EDRF1: variants seen among roughly 807,000 people sequenced by gnomAD.
The protein encoded by EDRF1 is erythroid differentiation-related factor 1.
A neutral mutation model predicts 148.7 loss-of-function variants in EDRF1; 69 were observed. The observed-to-expected ratio is 0.46, with a 90% CI of 0.38 to 0.57. The LOEUF (loss-of-function observed/expected upper bound fraction) is 0.57. EDRF1 is among the 20% of genes least tolerant of loss of function. The probability of loss-of-function intolerance (pLI) is 0.00; values close to 1 mark genes in which losing one functional copy is unlikely to be tolerated. For synonymous variants in EDRF1, 515 were observed against 532.8 expected (o/e 0.97, Z 0.46); for missense variants, 1,118 against 1,478.7 (o/e 0.76, Z 4.00).
rs1489453172 is a variant in EDRF1 at position 125,747,534 on chromosome 10, A to G, written c.2815-2A>G. 1 of 1,614,144 alleles carries G rather than the reference A, an allele frequency of 6.2e-7. No individual in the cohort carries two copies. Among genetic ancestry groups the G allele is most frequent in the South Asian group, 1.1e-5 (1 of 91,080 alleles). On this transcript the variant is annotated splice_acceptor_variant, in intron 19 of 24. Transcript: ENST00000356792. LOFTEE classifies it high-confidence loss of function. ...AAATGTACACTGTTTTCTCCTTTGC[A>G]GGCTATTGATTACTATTTGAAAGCG...
At chr10:125,751,829 G>A (rs1227716571) in intron 22 of EDRF1, 2 of 152,248 alleles carry the variant, frequency 1.3e-5, no homozygotes, top group African/African-American at 4.8e-5. Context: ...GCCAAGGGAA[G>A]AGGCTCGGGA....
chr10:125,730,871 G>C (rs1224454776), intron 9 of EDRF1, among the ~76,000 whole-genome samples: 7 of 152,204 alleles, frequency 4.6e-5, no homozygotes, highest in African/African-American at 1.4e-4. Context: ...AGCTAGGCGT[G>C]TTGGCTTATT....
intron 3 of EDRF1, among the ~76,000 whole-genome samples, 180 bp downstream of exon 3, chr10:125,723,314 T>A (rs1848093570): frequency 6.6e-6 from 1 of 152,180 alleles, no homozygotes; most frequent in Non-Finnish European, 1.5e-5. Flanking sequence ...GTTTACCACA[T>A]TTGTATTTAA....
At chr10:125,734,804 G>C (rs533543424) in intron 12 of EDRF1, among the ~76,000 whole-genome samples, 1 of 152,188 alleles carries the variant, frequency 6.6e-6, no homozygotes, top group South Asian at 2.1e-4. Flanking sequence ...TTGTCTGATT[G>C]ACAACTTTAT....
chr10:125,740,570 T>C lies in EDRF1; in HGVS notation c.2089T>C (p.Tyr697His). 3 of 1,614,130 alleles carry C rather than the reference T, an allele frequency of 1.9e-6. No homozygotes were observed. Among genetic ancestry groups the C allele is most frequent in the Non-Finnish European group, 2.5e-6 (3 of 1,180,014 alleles). ...QLILKSSKAY[Y>H]VLSDAAMSLQ... The stretch of plus-strand genomic sequence containing the variant: ...GATTCTCAAGTCATCAAAGGCCTAT[T>C]ATGTTTTGTCCGATGCTGCCATGAG... The change falls in exon 16 of 25, where the codon TAT becomes CAT. Residue 697 changes from tyrosine (Y) to histidine (H), a missense_variant. By Grantham distance (83) the Tyr-to-His change is moderately conservative (BLOSUM62 2). Coordinates refer to ENST00000356792, the MANE Select transcript of EDRF1 (RefSeq NM_001202438.2).
chr10:125,752,718 G>T, intron 22 of EDRF1, 81 bp from the exon 23 acceptor site: 1 of 946,060 alleles, frequency 1.1e-6, no homozygotes, highest in East Asian at 2.5e-5. Context: ...TTGAAAGTCT[G>T]AATTTTCATT....
Position 125,729,011 on chromosome 10 carries a change from G to T in EDRF1, c.801G>T (p.Glu267Asp). The change falls in exon 7 of 25, where the codon GAG becomes GAT. Residue 267 changes from glutamate (E) to aspartate (D), a missense_variant. Physicochemically the swap from Glu to Asp is conservative, Grantham distance 45 (BLOSUM62 2). Around this residue, in one of 3 missense-constraint regions of EDRF1, gnomAD observed 954 missense variants for 1,241.4 expected, o/e 0.77. Transcript: ENST00000356792. ...EDPSASSQGS[E>D]PLEPSYIVGH... ...CCTTGCACTTTTCACAGGGAAGTGA[G>T]CCTCTTGAACCCTCATACATAGTGG... 6.3e-7 allele frequency: 1 copy of T among 1,578,386 alleles called. No homozygotes were observed. Among genetic ancestry groups the T allele is most frequent in the Non-Finnish European group, 8.5e-7 (1 of 1,169,792 alleles).
chr10:125,757,058 CT>C, intron 24 of EDRF1: 1 of 433,802 alleles, frequency 2.3e-6, no homozygotes, highest in Non-Finnish European at 4.6e-6. Flanking sequence ...AGCAGTCCAC[CT>C]TCCCCAGACT....
intron 24 of EDRF1, among the ~76,000 whole-genome samples, chr10:125,758,066 T>C (rs1441815393): frequency 6.6e-6 from 1 of 152,262 alleles, no homozygotes; most frequent in African/African-American, 2.4e-5. Flanking sequence ...GTTTGGGTAA[T>C]TTCTGTTGAA....
chr10:125,738,445 A>G lies in EDRF1; in HGVS notation c.1981A>G (p.Met661Val), dbSNP rs1413059215. 6.2e-7 allele frequency: 1 copy of G among 1,613,946 alleles called. No homozygotes were observed. The highest frequency in any genetic ancestry group is 8.5e-7 in the Non-Finnish European group (1 of 1,179,950). Residue 661 changes from methionine (M) to valine (V), a missense_variant and splice_region_variant, in exon 15 of 25, where the codon ATG (methionine) becomes GTG (valine). Around this residue, in one of 3 missense-constraint regions of EDRF1, gnomAD observed 954 missense variants for 1,241.4 expected, o/e 0.77. Coordinates refer to ENST00000356792, the MANE Select transcript of EDRF1 (RefSeq NM_001202438.2). ...GCAGATGGCCTTGTTTTTGGACAAAAGTAAGTTGAATTGATGTGCAAATAA... is the reference window on the plus strand; with the variant it reads ...GCAGATGGCCTTGTTTTTGGACAAAGGTAAGTTGAATTGATGTGCAAATAA... ...EKQMALFLDKMGSLQKGNYSS... is the reference protein window; with the variant it reads ...EKQMALFLDKVGSLQKGNYSS...
intron 9 of EDRF1, among the ~76,000 whole-genome samples, chr10:125,731,102 G>A (rs1483799265): frequency 2.0e-5 from 3 of 152,096 alleles, no homozygotes; most frequent in Non-Finnish European, 2.9e-5. Context: ...AGCTATGATC[G>A]TGCCACTGCA....
chr10:125,752,801 C>A lies in EDRF1; in HGVS notation c.3280C>A (p.Gln1094Lys). The change falls in exon 23 of 25, where the codon CAG (glutamine) becomes AAG (lysine). Residue 1094 changes from glutamine (Q) to lysine (K), a missense_variant and splice_region_variant. Physicochemically the swap from Gln to Lys is moderately conservative, Grantham distance 53. Around this residue, in one of 3 missense-constraint regions of EDRF1, gnomAD observed 954 missense variants for 1,241.4 expected, o/e 0.77. Transcript: ENST00000356792. ...ACGTTTTGTATTTAAAACTTTAGGT[C>A]AGAATAGCAATGTTGGAAAGTTGAA... is the stretch of plus-strand genomic sequence containing the variant. ...VAFAEFQMTS[Q>K]NSNVGKLKTL... 6.2e-7 allele frequency: 1 copy of A among 1,604,442 alleles called. No individual in the cohort carries two copies. The highest frequency in any genetic ancestry group is 1.1e-5 in the South Asian group (1 of 90,874).
At chr10:125,757,709 T>C (rs1263904549) in intron 24 of EDRF1, among the ~76,000 whole-genome samples, 1 of 152,226 alleles carries the variant, frequency 6.6e-6, no homozygotes, top group Admixed American at 6.5e-5. Flanking sequence ...TATAGAATTC[T>C]GGGTTAACAG....
chr10:125,725,604 A>T, intron 5 of EDRF1, 78 bp from the exon 6 acceptor site: 1 of 1,590,386 alleles, frequency 6.3e-7, no homozygotes, highest in Non-Finnish European at 8.6e-7. Flanking sequence ...TACAGATTGT[A>T]GTTTTTATAA....
At chr10:125,731,622 G>C (rs1848482566) in intron 9 of EDRF1, among the ~76,000 whole-genome samples, 1 of 152,136 alleles carries the variant, frequency 6.6e-6, no homozygotes, top group South Asian at 2.1e-4. Context: ...TTGCATCTAG[G>C]AGGGGAAATT....
At chr10:125,753,550 G>T in intron 23 of EDRF1, 144 bp from the exon 24 acceptor site, 1 of 866,138 alleles carries the variant, frequency 1.2e-6, no homozygotes, top group Non-Finnish European at 1.9e-6. Flanking sequence ...CTATCAAAAT[G>T]ATCATAGGTG....
Position 125,725,887 on chromosome 10 carries a change from C to A in EDRF1, c.792+49C>A, listed in dbSNP as rs570196839. On this transcript the variant is annotated intron_variant, in intron 6 of 24. Transcript: ENST00000356792. Reference sequence around the variant, plus strand: ...AGAAACTCACATAGGAAAACAAAGCCTTTTTTAACATCTCGTTAAAAAAAA... The same window carrying A: ...AGAAACTCACATAGGAAAACAAAGCATTTTTTAACATCTCGTTAAAAAAAA... The A allele has an allele frequency of 7.6e-6, 12 of 1,584,058 alleles. No individual in the cohort carries two copies. In the Middle Eastern group the frequency reaches 5.0e-4, roughly 66 times the overall value.
intron 4 of EDRF1, among the ~76,000 whole-genome samples, chr10:125,724,662 C>T (rs747480933): frequency 2.0e-5 from 3 of 152,172 alleles, no homozygotes; most frequent in Non-Finnish European, 4.4e-5. Context: ...GCTCTTTAGC[C>T]TAGATTCTCA....
At chr10:125,720,006 T>C in intron 1 of EDRF1, 91 bp downstream of exon 1, 3 of 1,190,704 alleles carry the variant, frequency 2.5e-6, no homozygotes, top group Non-Finnish European at 3.6e-6. Flanking sequence ...CGGCAGATTC[T>C]GGAGGCTTCT....
Sources: allele counts gnomAD v4.1 joint callset (sites outside exome capture counted in the v4.1 genomes callset), GRCh38; gene constraint gnomAD v4.1.1; regional missense constraint gnomAD v4.1.1; transcripts MANE v1.5; gene names NCBI Gene and HGNC (gene_info 2026-07-23, HGNC 2026-07-21).